The following ADAMTSL1 variants were observed in gnomAD, a reference collection of about 807,000 sequenced individuals.
ADAMTSL1 encodes ADAMTS-like protein 1.
ADAMTSL1 carries 126 observed loss-of-function variants against 201.8 expected under a neutral mutation model. That is an observed-to-expected ratio of 0.62 (90% confidence interval 0.54 to 0.72). The LOEUF (loss-of-function observed/expected upper bound fraction) is 0.72, where lower values mean the gene tolerates loss of function less well. Ranked by LOEUF, ADAMTSL1 falls within the 30% of genes least tolerant of loss-of-function variation. The probability of loss-of-function intolerance (pLI) is 0.00; values close to 1 mark genes in which losing one functional copy is unlikely to be tolerated. For synonymous variants in ADAMTSL1, 1,121 were observed against 903.4 expected, an observed-to-expected ratio of 1.24 and a Z score of -4.32; for missense variants, 2,679 against 2,277.8, an observed-to-expected ratio of 1.18 and a Z score of -3.59.
chr9:18,495,939 T>A (rs569475954), intron 1 of ADAMTSL1, among the ~76,000 whole-genome samples: 8 of 152,314 alleles, frequency 5.3e-5, no homozygotes, highest in African/African-American at 1.9e-4. Flanking sequence ...TATGTAAACA[T>A]TTAAAATAAA....
intron 1 of ADAMTSL1, among the ~76,000 whole-genome samples, chr9:18,115,613 G>C (rs1427221927): frequency 6.6e-6 from 1 of 152,146 alleles, no homozygotes; most frequent in Non-Finnish European, 1.5e-5. Flanking sequence ...CACTTTTCTA[G>C]TGACTTTATG....
At chr9:17,979,215 C>G (rs1452507858) in intron 1 of ADAMTSL1, among the ~76,000 whole-genome samples, 1 of 152,104 alleles carries the variant, frequency 6.6e-6, no homozygotes, top group South Asian at 2.1e-4. Flanking sequence ...TATTGCTTCC[C>G]AGATCTGGGG....
intron 1 of ADAMTSL1, among the ~76,000 whole-genome samples, chr9:18,071,789 G>A (rs7860016): frequency 0.14 from 20,747 of 152,200 alleles, 1,993 homozygotes; most frequent in East Asian, 0.35. Context: ...TATTTGATGC[G>A]TTGTGTGTTC....
At chr9:18,132,039 T>C (rs182017850) in intron 1 of ADAMTSL1, among the ~76,000 whole-genome samples, 23 of 152,284 alleles carry the variant, frequency 1.5e-4, no homozygotes, top group Admixed American at 1.1e-3. Context: ...TCACCTGAGC[T>C]CTGATCTTCA....
intron 2 of ADAMTSL1, among the ~76,000 whole-genome samples, chr9:18,240,878 A>G (rs1482553318): frequency 6.6e-6 from 1 of 151,984 alleles, no homozygotes; most frequent in African/African-American, 2.4e-5. Context: ...CTTTCCTTAA[A>G]CCTCATGAAC....
At chr9:18,670,246 C>A (rs1425788404) in intron 9 of ADAMTSL1, among the ~76,000 whole-genome samples, 2 of 152,200 alleles carry the variant, frequency 1.3e-5, no homozygotes, top group African/African-American at 4.8e-5. Flanking sequence ...TGGGCCCCCA[C>A]ACTGTCCAGG....
At chr9:17,970,953 A>G (rs561226006) in intron 1 of ADAMTSL1, among the ~76,000 whole-genome samples, 7 of 152,254 alleles carry the variant, frequency 4.6e-5, no homozygotes, top group African/African-American at 1.7e-4. Flanking sequence ...AACATGCTTT[A>G]CTTTAAATAG....
chr9:18,539,644 G>A (rs972804672), intron 3 of ADAMTSL1, among the ~76,000 whole-genome samples: 1 of 152,158 alleles, frequency 6.6e-6, no homozygotes, highest in Non-Finnish European at 1.5e-5. Context: ...TTGATAAAAA[G>A]CAAGTACTGT....
chr9:18,341,611 T>C (rs1835465949), intron 2 of ADAMTSL1, among the ~76,000 whole-genome samples: 1 of 152,188 alleles, frequency 6.6e-6, no homozygotes, highest in Non-Finnish European at 1.5e-5. Context: ...GGATACATAA[T>C]TTATAAGTAT....
At chr9:18,306,310 C>G (rs546104779) in intron 2 of ADAMTSL1, among the ~76,000 whole-genome samples, 3 of 152,124 alleles carry the variant, frequency 2.0e-5, no homozygotes, top group African/African-American at 7.2e-5. Flanking sequence ...CAACTCCTCA[C>G]CAGCAAGGGA....
intron 1 of ADAMTSL1, among the ~76,000 whole-genome samples, chr9:17,932,127 GT>G (rs1277998058): frequency 6.6e-6 from 1 of 152,162 alleles, no homozygotes; most frequent in East Asian, 1.9e-4. Flanking sequence ...GAGGATCTCT[GT>G]TCAGAGGAAT....
At chr9:18,229,706 T>A (rs889843308) in intron 2 of ADAMTSL1, among the ~76,000 whole-genome samples, 1 of 152,120 alleles carries the variant, frequency 6.6e-6, no homozygotes, top group Non-Finnish European at 1.5e-5. Context: ...AACATTTTTT[T>A]TTTTTTGATA....
At chr9:17,996,670 G>A (rs549435150) in intron 1 of ADAMTSL1, among the ~76,000 whole-genome samples, 2 of 152,038 alleles carry the variant, frequency 1.3e-5, no homozygotes, top group East Asian at 3.9e-4. Context: ...TTTTGAACCA[G>A]TTTTCTATTC....
At chr9:17,949,953 C>G (rs1827666868) in intron 1 of ADAMTSL1, among the ~76,000 whole-genome samples, 1 of 152,096 alleles carries the variant, frequency 6.6e-6, no homozygotes, top group African/African-American at 2.4e-5. Context: ...GTGTCTGGCT[C>G]TGTCACCCAG....
intron 4 of ADAMTSL1, among the ~76,000 whole-genome samples, chr9:18,582,404 TG>T (rs1459931303): frequency 1.3e-5 from 2 of 152,204 alleles, no homozygotes; most frequent in African/African-American, 4.8e-5. Context: ...GGCTGTGTTC[TG>T]ACCCAAATCT....
At chr9:18,452,841 T>C (rs1820461816) in intron 2 of ADAMTSL1, among the ~76,000 whole-genome samples, 1 of 152,248 alleles carries the variant, frequency 6.6e-6, no homozygotes, top group Non-Finnish European at 1.5e-5. Flanking sequence ...CCTTTGACTT[T>C]GCTGGGCTTA....
chr9:18,154,005 A>G (rs919408620), intron 1 of ADAMTSL1, among the ~76,000 whole-genome samples: 2 of 152,046 alleles, frequency 1.3e-5, no homozygotes, highest in Non-Finnish European at 2.9e-5. Flanking sequence ...AGCATCAGAC[A>G]CAAAATCACA....
chr9:18,437,770 A>AC (rs1284870008), intron 2 of ADAMTSL1, among the ~76,000 whole-genome samples: 18 of 152,200 alleles, frequency 1.2e-4, no homozygotes, highest in African/African-American at 3.1e-4. Context: ...ACCAGTATTA[A>AC]CCCCAGGAGA....
chr9:18,225,189 C>T (rs1383249044), intron 2 of ADAMTSL1, among the ~76,000 whole-genome samples: 1 of 152,062 alleles, frequency 6.6e-6, no homozygotes, highest in Non-Finnish European at 1.5e-5. Context: ...TGTTTTTCTT[C>T]TGCTTTCAGG....
Sources: gnomAD v4.1 joint callset for allele counts (sites outside exome capture counted in the v4.1 genomes callset) on GRCh38, gnomAD v4.1.1 for gene constraint, MANE v1.5 for transcripts, NCBI Gene and HGNC (gene_info 2026-07-23, HGNC 2026-07-21) for gene names.